The following MED12L variants were observed in gnomAD, a reference collection of about 807,000 sequenced individuals.
MED12L encodes mediator of RNA polymerase II transcription subunit 12-like protein.
MED12L carries 60 observed loss-of-function variants against 281.3 expected under a neutral mutation model. That is an observed-to-expected ratio of 0.21 (90% CI 0.17 to 0.26). The LOEUF is 0.26. Ranked by LOEUF, MED12L falls within the 10% of genes least tolerant of loss-of-function variation. The pLI, the probability that MED12L is intolerant of heterozygous loss-of-function variation, is 1.00. For missense variants in MED12L, 2,146 were observed against 2,680.9 expected (o/e 0.80, Z 4.41); for synonymous variants, 974 against 987.2 (o/e 0.99, Z 0.25).
chr3:151,436,437 ATGTT>A lies in MED12L; in HGVS notation c.*3639_*3642del, dbSNP rs757471862. 14 of 355,148 alleles carry A rather than the reference ATGTT, an allele frequency of 3.9e-5. No homozygotes were observed. Among genetic ancestry groups the A allele is most frequent in the Middle Eastern group, 8.8e-4 (1 of 1,140 alleles). The allele number at this position is 355,148 out of a possible 1,614,324, so 22.0% of individuals were successfully genotyped here. ...TGTTATTTTATAGTGAACCGTTTCA[ATGTT>A]TGTTTATTGTTATTTGTTGGCAAAA... On this transcript the variant is annotated 3_prime_UTR_variant, in exon 45 of 45. Transcript: ENST00000687756.
intron 16 of MED12L, among the ~76,000 whole-genome samples, chr3:151,319,359 A>G (rs1023440446): frequency 1.3e-5 from 2 of 151,832 alleles, no homozygotes; most frequent in Non-Finnish European, 2.9e-5. Context: ...TTTCCACTTC[A>G]TTGGAAAATC....
chr3:151,304,374 G>C (rs1310956688), intron 16 of MED12L, among the ~76,000 whole-genome samples: 1 of 152,142 alleles, frequency 6.6e-6, no homozygotes, highest in African/African-American at 2.4e-5. Flanking sequence ...AGGAGTTCGA[G>C]ACCAGCGTGG....
At chr3:151,333,086 G>T (rs1750539423) in intron 16 of MED12L, among the ~76,000 whole-genome samples, 1 of 152,112 alleles carries the variant, frequency 6.6e-6, no homozygotes. Context: ...TCTTTCTTTT[G>T]TGTGGCTGCA....
chr3:151,310,836 C>T (rs942626159), intron 16 of MED12L, among the ~76,000 whole-genome samples: 1 of 152,086 alleles, frequency 6.6e-6, no homozygotes, highest in African/African-American at 2.4e-5. Context: ...GGAAGGAGAG[C>T]TTAGTTGGCT....
At chr3:151,390,232 A>G (rs1226628066) in intron 38 of MED12L, 97 bp downstream of exon 38, 4 of 1,160,736 alleles carry the variant, frequency 3.4e-6, no homozygotes, top group Non-Finnish European at 5.0e-6. Context: ...TGGACATTTC[A>G]ACCACTGAGT....
rs543096012 is a variant in MED12L, at chr3:151,434,134, C to T, written c.*1330C>T. Reference sequence around the variant, plus strand: ...TATTTTCCCATGTTCTCTGTTATTTCATTTTCTTTTGCCATATGATTTTAC... The same window carrying T: ...TATTTTCCCATGTTCTCTGTTATTTTATTTTCTTTTGCCATATGATTTTAC... On this transcript the variant is annotated 3_prime_UTR_variant, in exon 45 of 45. Transcript: ENST00000687756. 1.3e-5 allele frequency: 2 copies of T among 152,310 alleles called. No homozygotes were observed. The highest frequency in any genetic ancestry group is 3.9e-4 in the East Asian group (2 of 5,186). 9.4% of individuals were successfully genotyped at this position (152,310 alleles called of 1,614,324 possible). A position where few individuals can be genotyped will look rare whatever the true frequency, so the allele number is the denominator to read the frequency against.
chr3:151,364,890 C>A, intron 21 of MED12L, 89 bp from the exon 22 acceptor site: 3 of 901,604 alleles, frequency 3.3e-6, no homozygotes, highest in South Asian at 1.5e-5. Context: ...CATTACAGTT[C>A]CTGCCATTTA....
chr3:151,228,128 G>A (rs1229195957), intron 16 of MED12L, among the ~76,000 whole-genome samples: 1 of 152,206 alleles, frequency 6.6e-6, no homozygotes, highest in Admixed American at 6.5e-5. Flanking sequence ...GGAATGTGAA[G>A]TGTGCTTTAT....
At chr3:151,135,675 G>T (rs999908343) in intron 5 of MED12L, among the ~76,000 whole-genome samples, 1 of 152,192 alleles carries the variant, frequency 6.6e-6, no homozygotes, top group African/African-American at 2.4e-5. Context: ...CCTGTGTGTG[G>T]TGTGGGTCTG....
intron 2 of MED12L, among the ~76,000 whole-genome samples, chr3:151,096,218 TCTC>T (rs903734355): frequency 6.6e-6 from 1 of 152,186 alleles, no homozygotes; most frequent in African/African-American, 2.4e-5. Context: ...TGGGACCACT[TCTC>T]CTTGGACTTC....
chr3:151,127,587 G>A (rs1714723285), intron 4 of MED12L, among the ~76,000 whole-genome samples: 1 of 152,090 alleles, frequency 6.6e-6, no homozygotes, highest in Non-Finnish European at 1.5e-5. Flanking sequence ...ACTAGTGAAA[G>A]TTTTATATTG....
rs375962589 is a variant in MED12L at position 151,214,337 on chromosome 3, A to G, written c.2250+20671A>G. On this transcript the variant is annotated intron_variant, in intron 16 of 44. Coordinates refer to ENST00000687756, the MANE Select transcript of MED12L (RefSeq NM_001393769.1). ...ATCATCTTGTAACTTCTGAAGGCAG[A>G]GGCCTGAAAAGAGGTGTGAACTGGT... is the stretch of plus-strand genomic sequence containing the variant. The G allele has an allele frequency of 6.2e-6, 10 of 1,602,012 alleles. No homozygotes were observed. In the African/African-American group the frequency reaches 1.3e-4, roughly 21 times the overall value.
intron 16 of MED12L, among the ~76,000 whole-genome samples, chr3:151,313,708 G>A (rs1577308778): frequency 6.6e-6 from 1 of 152,110 alleles, no homozygotes; most frequent in East Asian, 1.9e-4. Context: ...GCTGGGCATG[G>A]TCGTGGGCGC....
At chr3:151,274,317 A>C (rs1741491386) in intron 16 of MED12L, among the ~76,000 whole-genome samples, 1 of 152,196 alleles carries the variant, frequency 6.6e-6, no homozygotes, top group African/African-American at 2.4e-5. Flanking sequence ...GCTGCTGTGT[A>C]TCAAACTCAG....
At chr3:151,159,740 C>CT (rs2148952695) in intron 7 of MED12L, 92 bp from the exon 8 acceptor site, 1 of 1,282,774 alleles carries the variant, frequency 7.8e-7, no homozygotes, top group Non-Finnish European at 1.1e-6. Flanking sequence ...GTTTTTTTAT[C>CT]TTTTTTAAAT....
chr3:151,383,391 C>T (rs917053641), intron 33 of MED12L, among the ~76,000 whole-genome samples: 2 of 152,122 alleles, frequency 1.3e-5, no homozygotes, highest in Non-Finnish European at 2.9e-5. Flanking sequence ...GGCTTAGATT[C>T]AATAGTAATT....
chr3:151,133,184 G>T (rs1364773003), intron 5 of MED12L, among the ~76,000 whole-genome samples: 2 of 152,162 alleles, frequency 1.3e-5, no homozygotes, highest in Non-Finnish European at 2.9e-5. Flanking sequence ...CTTTGTAATA[G>T]AAACGTGTTT....
chr3:151,149,884 T>G (rs753490083), intron 5 of MED12L, among the ~76,000 whole-genome samples: 11 of 152,208 alleles, frequency 7.2e-5, no homozygotes, highest in Admixed American at 4.6e-4. Context: ...TTAATTTTAC[T>G]GGGAGGTTGC....
intron 11 of MED12L, among the ~76,000 whole-genome samples, chr3:151,172,111 G>A (rs1469176013): frequency 3.3e-5 from 5 of 152,204 alleles, no homozygotes; most frequent in Admixed American, 3.3e-4. Flanking sequence ...AGATTCAGAT[G>A]TGGGAGAGAG....
Sources: gnomAD v4.1 joint callset for allele counts (sites outside exome capture counted in the v4.1 genomes callset) on GRCh38, gnomAD v4.1.1 for gene constraint, MANE v1.5 for transcripts, NCBI Gene and HGNC (gene_info 2026-07-23, HGNC 2026-07-21) for gene names.